The following SMCHD1 variants were observed in gnomAD, a reference collection of about 807,000 sequenced individuals.
SMCHD1 encodes the protein structural maintenance of chromosomes flexible hinge domain-containing protein 1.
SMCHD1 carries 78 observed loss-of-function variants against 254.7 expected under a neutral mutation model. The observed-to-expected ratio is 0.31, with a 90% CI of 0.26 to 0.37. The LOEUF (loss-of-function observed/expected upper bound fraction) is 0.37, where lower values mean the gene tolerates loss of function less well. Among genes scored for constraint, SMCHD1 ranks in the 10% least tolerant of loss-of-function variants. The pLI is 1.00. For missense variants in SMCHD1, 1,840 were observed against 2,408.1 expected (o/e 0.76, Z 4.94); for synonymous variants, 766 against 794.9 (o/e 0.96, Z 0.61).
chr18:2,680,333 T>TGTTGTTTG (rs1412554371), intron 5 of SMCHD1, among the ~76,000 whole-genome samples: 2 of 148,062 alleles, frequency 1.4e-5, no homozygotes, highest in African/African-American at 5.0e-5. Flanking sequence ...TTGTTGCATC[T>TGTTGTTTG]GTTGTTTGTT....
chr18:2,789,447 C>G (rs2076285454), intron 45 of SMCHD1, among the ~76,000 whole-genome samples: 1 of 152,084 alleles, frequency 6.6e-6, no homozygotes, highest in Non-Finnish European at 1.5e-5. Context: ...AATAAAAATA[C>G]AAATATCACA....
At chr18:2,731,412 GGTATGCCAATAATAAATTGTAA>G (rs763683766) in intron 24 of SMCHD1, among the ~76,000 whole-genome samples, 7 of 152,050 alleles carry the variant, frequency 4.6e-5, no homozygotes, top group Non-Finnish European at 8.8e-5. Flanking sequence ...GTAGAACACT[GGTATGCCAATAATAAATTGTAA>G]ATATGCCAAT....
At chr18:2,717,863 A>G (rs900799610) in intron 17 of SMCHD1, among the ~76,000 whole-genome samples, 66 of 151,968 alleles carry the variant, frequency 4.3e-4, no homozygotes, top group Admixed American at 2.0e-4. Context: ...ATAAATAAGG[A>G]ATTTTTTGGA....
intron 3 of SMCHD1, 95 bp from the exon 4 acceptor site, chr18:2,673,186 G>T: frequency 7.1e-7 from 1 of 1,402,674 alleles, no homozygotes; most frequent in Non-Finnish European, 9.4e-7. Context: ...CTAGCTCTTT[G>T]GCTTTAAGGT....
chr18:2,771,366 T>C (rs533888238), intron 39 of SMCHD1, among the ~76,000 whole-genome samples, 167 bp from the exon 40 acceptor site: 1 of 152,314 alleles, frequency 6.6e-6, no homozygotes, highest in Admixed American at 6.5e-5. Flanking sequence ...GAATTGAGCC[T>C]TAAGATGTAT....
intron 29 of SMCHD1, among the ~76,000 whole-genome samples, chr18:2,746,302 A>C (rs1347434187): frequency 3.3e-5 from 5 of 152,224 alleles, no homozygotes; most frequent in Non-Finnish European, 7.4e-5. Context: ...TGCTTTTTCT[A>C]CTATTTTCTA....
chr18:2,738,276 G>C, intron 25 of SMCHD1, 121 bp from the exon 26 acceptor site: 1 of 882,248 alleles, frequency 1.1e-6, no homozygotes, highest in South Asian at 2.1e-5. Flanking sequence ...TGACCATAAA[G>C]AGACTTTTTT....
chr18:2,725,695 A>G (rs1051233835), intron 21 of SMCHD1, among the ~76,000 whole-genome samples: 34 of 151,970 alleles, frequency 2.2e-4, no homozygotes, highest in African/African-American at 7.9e-4. Flanking sequence ...CAAGTACTAT[A>G]TGCTGCTTTG....
chr18:2,746,007 A>G (rs185675863), intron 29 of SMCHD1, among the ~76,000 whole-genome samples: 93 of 152,262 alleles, frequency 6.1e-4, no homozygotes, highest in African/African-American at 2.2e-3. Flanking sequence ...GTATTAATAA[A>G]TACATATATT....
chr18:2,669,391 G>GT (rs529497428), intron 3 of SMCHD1, among the ~76,000 whole-genome samples: 169 of 152,250 alleles, frequency 1.1e-3, no homozygotes, highest in African/African-American at 3.7e-3. Flanking sequence ...TAGAGATGGA[G>GT]TCTCACTATG....
chr18:2,715,253 T>G (rs1432502907), intron 17 of SMCHD1, among the ~76,000 whole-genome samples: 27 of 152,172 alleles, frequency 1.8e-4, no homozygotes, highest in Admixed American at 1.8e-3. Context: ...TTGGTTTGGC[T>G]GTTTTACATT....
chr18:2,752,192 T>A (rs2143630189), intron 33 of SMCHD1, among the ~76,000 whole-genome samples: 1 of 152,302 alleles, frequency 6.6e-6, no homozygotes, highest in South Asian at 2.1e-4. Flanking sequence ...TCCTGAATCT[T>A]TGCTTGCTTA....
intron 45 of SMCHD1, chr18:2,784,975 C>A: frequency 2.7e-6 from 1 of 366,328 alleles, no homozygotes. Flanking sequence ...AAATTTCTGT[C>A]ATTATTGAAT....
chr18:2,713,172 G>T (rs1278668584), intron 17 of SMCHD1, among the ~76,000 whole-genome samples: 1 of 152,198 alleles, frequency 6.6e-6, no homozygotes, highest in Non-Finnish European at 1.5e-5. Flanking sequence ...TAGTTTGCCA[G>T]TCCCCTTGTT....
chr18:2,716,388 G>T lies in SMCHD1; in HGVS notation c.2261-1770G>T, dbSNP rs140226563. On this transcript the variant is annotated intron_variant, in intron 17 of 47. Transcript: ENST00000320876. ...GTTGGCCTCCTGTCCGGTATGTGGTGCTAGAAGGTAAGAGCTGGATGCAGC... is the reference window on the plus strand; with the variant it reads ...GTTGGCCTCCTGTCCGGTATGTGGTTCTAGAAGGTAAGAGCTGGATGCAGC... Among the ~76,000 whole-genome samples, 5 of 152,332 alleles carry T rather than the reference G, an allele frequency of 3.3e-5. No homozygotes were observed. In the East Asian group the frequency reaches 9.6e-4, roughly 29 times the overall value.
chr18:2,674,475 A>C (rs1242900661), intron 5 of SMCHD1, among the ~76,000 whole-genome samples: 2 of 152,194 alleles, frequency 1.3e-5, no homozygotes, highest in Non-Finnish European at 2.9e-5. Flanking sequence ...AAATCGCTTC[A>C]TACCATTTGC....
chr18:2,687,093 T>C (rs952161567), intron 5 of SMCHD1, among the ~76,000 whole-genome samples: 8 of 152,186 alleles, frequency 5.3e-5, no homozygotes, highest in African/African-American at 1.4e-4. Flanking sequence ...CTTAAGGACT[T>C]CATTAGCTTT....
chr18:2,704,989 T>A (rs1282479648), intron 13 of SMCHD1, among the ~76,000 whole-genome samples: 1 of 151,630 alleles, frequency 6.6e-6, no homozygotes, highest in Non-Finnish European at 1.5e-5. Context: ...AAGTGAAGAG[T>A]TACAAGAAGA....
chr18:2,742,833 C>T (rs777050307), intron 28 of SMCHD1, among the ~76,000 whole-genome samples: 4 of 152,062 alleles, frequency 2.6e-5, no homozygotes, highest in Non-Finnish European at 5.9e-5. Context: ...CATGCCACTA[C>T]ACCTGGCTAA....
Sources: gnomAD v4.1 joint callset for allele counts (sites outside exome capture counted in the v4.1 genomes callset) on GRCh38, gnomAD v4.1.1 for gene constraint, MANE v1.5 for transcripts, NCBI Gene and HGNC (gene_info 2026-07-23, HGNC 2026-07-21) for gene names.